RRP1B: variants seen among roughly 807,000 people sequenced by gnomAD.
RRP1B encodes the protein ribosomal RNA processing protein 1 homolog B.
Under a neutral mutation model 80.2 loss-of-function variants are expected in RRP1B, and 56 were observed. That is an observed-to-expected ratio of 0.70 (90% CI 0.56 to 0.87). RRP1B has a LOEUF of 0.87. RRP1B is among the 40% of genes least tolerant of loss of function. RRP1B has a pLI of 0.00. For synonymous variants in RRP1B, 351 were observed against 357.6 expected, an observed-to-expected ratio of 0.98 and a Z score of 0.21; for missense variants, 807 against 939.8, an observed-to-expected ratio of 0.86 and a Z score of 1.85.
Position 43,675,085 on chromosome 21 carries a change from G to A in RRP1B, c.471G>A (p.Glu157=). Residue 157 remains glutamate (E), a synonymous_variant, in exon 6 of 16, where the codon GAG becomes GAA. Transcript: ENST00000340648. ...TGATGAAGGAGGTCCTGTGTCCTGA[G>A]AGTCAGTCTCCTAATGGAGTGAGAT... is the stretch of plus-strand genomic sequence containing the variant. ...DVLMKEVLCP[E]SQSPNGVRFH... 6.2e-7 allele frequency: 1 copy of A among 1,614,150 alleles called. No homozygotes were observed. The highest frequency in any genetic ancestry group is 8.5e-7 in the Non-Finnish European group (1 of 1,180,010).
At chr21:43,664,243 G>A (rs75820822) in intron 1 of RRP1B, among the ~76,000 whole-genome samples, 1,987 of 149,972 alleles carry the variant, frequency 0.013, 45 homozygotes, top group African/African-American at 0.045. Context: ...GGCTGAGGGA[G>A]GAAAATCACC....
intron 13 of RRP1B, among the ~76,000 whole-genome samples, chr21:43,689,200 A>T (rs755574961): frequency 1.1e-4 from 16 of 152,266 alleles, no homozygotes; most frequent in Non-Finnish European, 2.1e-4. Context: ...TTCATGCTGC[A>T]GCGGCAGAGG....
intron 13 of RRP1B, among the ~76,000 whole-genome samples, chr21:43,689,976 C>T (rs1382091458): frequency 1.3e-5 from 2 of 152,280 alleles, no homozygotes; most frequent in African/African-American, 2.4e-5. Flanking sequence ...ATGGGAGAGT[C>T]GATCTTATTA....
chr21:43,681,343 G>A (rs2083042859), intron 8 of RRP1B, among the ~76,000 whole-genome samples: 1 of 151,612 alleles, frequency 6.6e-6, no homozygotes, highest in Non-Finnish European at 1.5e-5. Flanking sequence ...TTTAGACCTG[G>A]TGGACGGGAA....
rs746579396 is a variant in RRP1B, at chr21:43,687,769, C to T, written c.1395C>T (p.Ala465=). 4.1e-5 allele frequency: 66 copies of T among 1,613,168 alleles called. 1 individual carries two copies. In the South Asian group the frequency reaches 4.9e-4, roughly 12 times the overall value. Residue 465 remains alanine, a synonymous_variant, in exon 13 of 16, where the codon GCC becomes GCT. Coordinates refer to ENST00000340648, the MANE Select transcript of RRP1B (RefSeq NM_015056.3). ...GEESGSEHPP[A]VPMHNKRKRP... ...AGAGTGGCTCCGAGCATCCTCCAGCCGTCCCCATGCACAATAAAAGGAAAC... is the reference window on the plus strand; with the variant it reads ...AGAGTGGCTCCGAGCATCCTCCAGCTGTCCCCATGCACAATAAAAGGAAAC...
At chr21:43,674,795 C>G in intron 5 of RRP1B, 98 bp downstream of exon 5, 1 of 1,137,808 alleles carries the variant, frequency 8.8e-7, no homozygotes, top group Non-Finnish European at 1.3e-6. Flanking sequence ...ATGAGAAGCT[C>G]GATACATCGT....
rs557525643 is a variant in RRP1B, at chr21:43,673,634, CAAAAAAAAAA to C, written c.272-225_272-216del. Among the ~76,000 whole-genome samples the C allele has an allele frequency of 2.3e-4, 15 of 66,118 alleles. No individual in the cohort carries two copies. The South Asian group carries it at 5.5e-3, about 24-fold the overall frequency. 43.4% of individuals were successfully genotyped at this position (66,118 alleles called of 152,430 possible). On this transcript the variant is annotated intron_variant, in intron 3 of 15. Coordinates refer to ENST00000340648, the MANE Select transcript of RRP1B (RefSeq NM_015056.3). ...GGGCCACAGAGTGGGACCCCGTCTC[CAAAAAAAAAA>C]AAAAAAAAAAGTAAAAGATCTGCAC...
Position 43,687,661 on chromosome 21 carries a change from GGA to G in RRP1B, c.1289_1290del (p.Glu430AlafsTer41), listed in dbSNP as rs2083068929. ...APSLEQNRGR[E>X]PEASGLKALK... ...CATCCCTGGAACAGAACCGGGGCAG[GGA>G]GCCCGAGGCCTCTGGGCTGAAAGCC... On this transcript the variant is annotated frameshift_variant, in exon 13 of 16. Transcript: ENST00000340648. LOFTEE classifies it high-confidence loss of function. 1 of 1,588,652 alleles carries G rather than the reference GGA, an allele frequency of 6.3e-7. No individual in the cohort carries two copies. Among genetic ancestry groups the G allele is most frequent in the Non-Finnish European group, 8.6e-7 (1 of 1,165,848 alleles).
intron 12 of RRP1B, 111 bp from the exon 13 acceptor site, chr21:43,687,405 G>GT (rs2083067479): frequency 1.6e-6 from 2 of 1,271,478 alleles, no homozygotes; most frequent in African/African-American, 3.0e-5. Context: ...AACTTTCCTC[G>GT]TGGTAGAATG....
At position 43,669,895 on chromosome 21, in the gene RRP1B, C is replaced by T. The variant is rs201197840; in HGVS notation, c.142C>T (p.Gln48Ter). 1.2e-6 allele frequency: 2 copies of T among 1,611,970 alleles called. No homozygotes were observed. Among genetic ancestry groups the T allele is most frequent in the Non-Finnish European group, 1.7e-6 (2 of 1,178,500 alleles). ...GTTTTGCCTTCCAGGAGGTTTCAGT[C>T]AGGAAGAACTTCTGAAAATCTGGAA... ...KTQRETGGFS[Q>*]EELLKIWKGL... Residue 48 changes from glutamine to a stop codon, truncating the protein, a stop_gained, in exon 2 of 16, where the codon CAG (glutamine) becomes TAG (stop). Transcript: ENST00000340648. LOFTEE classifies it high-confidence loss of function.
At chr21:43,672,114 A>G (rs1461728389) in intron 2 of RRP1B, among the ~76,000 whole-genome samples, 194 bp from the exon 3 acceptor site, 1 of 152,360 alleles carries the variant, frequency 6.6e-6, no homozygotes, top group East Asian at 1.9e-4. Context: ...CCAAGTTAGC[A>G]TAATAGTCCG....
intron 3 of RRP1B, 53 bp downstream of exon 3, chr21:43,672,418 T>A: frequency 1.4e-6 from 2 of 1,449,294 alleles, no homozygotes; most frequent in Non-Finnish European, 1.9e-6. Context: ...CTTGCTAGTT[T>A]AATGGGAACC....
chr21:43,689,805 C>T (rs1347728409), intron 13 of RRP1B, among the ~76,000 whole-genome samples: 1 of 152,276 alleles, frequency 6.6e-6, no homozygotes, highest in African/African-American at 2.4e-5. Flanking sequence ...GCTGCCCACA[C>T]CTCTGAGAGC....
chr21:43,685,927 C>T, intron 11 of RRP1B, 138 bp downstream of exon 11: 1 of 1,145,878 alleles, frequency 8.7e-7, no homozygotes. Context: ...TAGTCCCTAG[C>T]CCAGGCAAAA....
intron 1 of RRP1B, 40 bp from the exon 2 acceptor site, chr21:43,669,844 T>G: frequency 7.1e-7 from 1 of 1,405,262 alleles, no homozygotes; most frequent in Non-Finnish European, 1.0e-6. Flanking sequence ...AGAAAAGAGA[T>G]GCATAGACTC....
In RRP1B at chr21:43,693,112, G is replaced by A; in HGVS notation, c.2084-78G>A. The A allele has an allele frequency of 2.0e-6, 3 of 1,503,528 alleles. No homozygotes were observed. The highest frequency in any genetic ancestry group is 2.7e-6 in the Non-Finnish European group (3 of 1,093,570). The allele number at this position is 1,503,528 out of a possible 1,614,324, so 93.1% of individuals were successfully genotyped here. On this transcript the variant is annotated intron_variant, in intron 15 of 15. Coordinates refer to ENST00000340648, the MANE Select transcript of RRP1B (RefSeq NM_015056.3). The surrounding 1 kb of genome is among the most constrained non-coding windows in gnomAD (Gnocchi z 4.1). ...AGCAAGTGGGTGGGGTCGGCACCCA[G>A]GCAGGACGCTGTCTAAGGTGTTGAA...
chr21:43,676,360 C>T, intron 7 of RRP1B, 24 bp downstream of exon 7: 1 of 1,581,750 alleles, frequency 6.3e-7, no homozygotes, highest in South Asian at 1.1e-5. Context: ...CTGTTCGTTC[C>T]TCCTGCTCCG....
intron 1 of RRP1B, among the ~76,000 whole-genome samples, chr21:43,664,528 C>G (rs999864606): frequency 3.3e-5 from 5 of 152,142 alleles, no homozygotes; most frequent in African/African-American, 4.8e-5. Flanking sequence ...GCCCAAAAGT[C>G]AGTTGACAGT....
intron 1 of RRP1B, among the ~76,000 whole-genome samples, chr21:43,668,265 C>T (rs1189359979): frequency 6.6e-6 from 1 of 150,992 alleles, no homozygotes. Flanking sequence ...GGGAGAAAGA[C>T]CCTTAGCAAA....
Sources: allele counts gnomAD v4.1 joint callset (sites outside exome capture counted in the v4.1 genomes callset), GRCh38; gene constraint gnomAD v4.1.1; non-coding constraint Gnocchi (gnomAD v3.1); transcripts MANE v1.5; gene names NCBI Gene and HGNC (gene_info 2026-07-23, HGNC 2026-07-21).